Variants in TNKS observed in about 807,000 individuals in gnomAD.
TNKS encodes poly [ADP-ribose] polymerase tankyrase-1.
In TNKS, 72 loss-of-function variants were observed where a neutral mutation model predicts 135.8. That is an observed-to-expected ratio of 0.53 (90% confidence interval 0.44 to 0.64). The LOEUF (loss-of-function observed/expected upper bound fraction) is 0.64, where lower values mean the gene tolerates loss of function less well. TNKS is among the 30% of genes least tolerant of loss of function. The pLI is 0.00. For missense variants in TNKS, 1,769 were observed against 1,674.0 expected, an observed-to-expected ratio of 1.06 and a Z score of -0.99; for synonymous variants, 849 against 649.3, an observed-to-expected ratio of 1.31 and a Z score of -4.68.
chr8:9,691,890 T>C (rs1001264986), intron 5 of TNKS, among the ~76,000 whole-genome samples: 3 of 152,238 alleles, frequency 2.0e-5, no homozygotes, highest in South Asian at 4.1e-4. Flanking sequence ...GAAGATCTTT[T>C]ATCAAAGTCA....
intron 26 of TNKS, among the ~76,000 whole-genome samples, chr8:9,776,118 G>A (rs143894352): frequency 6.6e-6 from 1 of 152,288 alleles, no homozygotes; most frequent in East Asian, 1.9e-4. Flanking sequence ...TATCTCTCCT[G>A]TAAATGATGC....
chr8:9,750,743 C>T (rs911575716), intron 18 of TNKS, among the ~76,000 whole-genome samples: 9 of 152,204 alleles, frequency 5.9e-5, no homozygotes, highest in Non-Finnish European at 1.3e-4. Flanking sequence ...GAGGGTTTAA[C>T]GTGACAATTT....
At chr8:9,579,097 A>G (rs1362651672) in intron 1 of TNKS, among the ~76,000 whole-genome samples, 1 of 152,082 alleles carries the variant, frequency 6.6e-6, no homozygotes, top group Non-Finnish European at 1.5e-5. Context: ...TCATCCTTAG[A>G]CTACTTGAGA....
At chr8:9,620,521 G>C (rs1005344377) in intron 3 of TNKS, among the ~76,000 whole-genome samples, 6 of 152,146 alleles carry the variant, frequency 3.9e-5, no homozygotes, top group Non-Finnish European at 8.8e-5. Context: ...TATTCCCACA[G>C]CCTCTGAATA....
intron 11 of TNKS, 100 bp from the exon 12 acceptor site, chr8:9,720,274 T>A: frequency 8.8e-7 from 1 of 1,133,294 alleles, no homozygotes; most frequent in Non-Finnish European, 1.2e-6. Context: ...TTTAAAAGCT[T>A]TGAAAGTTGA....
chr8:9,706,395 G>GA, intron 7 of TNKS, 142 bp downstream of exon 7: 2 of 646,004 alleles, frequency 3.1e-6, no homozygotes, highest in Non-Finnish European at 5.0e-6. Flanking sequence ...ACAGGGTCTT[G>GA]CCCTGTCACC....
At chr8:9,568,904 G>T (rs12676898) in intron 1 of TNKS, among the ~76,000 whole-genome samples, 1 of 151,942 alleles carries the variant, frequency 6.6e-6, no homozygotes, top group Non-Finnish European at 1.5e-5. Flanking sequence ...TACTTCTGCT[G>T]TGTTAGAATC....
At chr8:9,746,174 A>G (rs1806224678) in intron 17 of TNKS, among the ~76,000 whole-genome samples, 1 of 152,216 alleles carries the variant, frequency 6.6e-6, no homozygotes, top group Admixed American at 6.5e-5. Context: ...AGGGACACAA[A>G]TGTGCCAGTT....
chr8:9,771,875 G>A (rs1161854550), intron 26 of TNKS, among the ~76,000 whole-genome samples: 2 of 3,172 alleles, frequency 6.3e-4, no homozygotes, highest in South Asian at 0.014. Context: ...AGAGCGGAAC[G>A]GAGGGAGAAA....
At chr8:9,696,450 A>C (rs1290268806) in intron 5 of TNKS, among the ~76,000 whole-genome samples, 1 of 152,156 alleles carries the variant, frequency 6.6e-6, no homozygotes, top group Non-Finnish European at 1.5e-5. Flanking sequence ...TAGAGCAGTC[A>C]GGCAAGAAAA....
At chr8:9,733,063 AG>A (rs1296338202) in intron 14 of TNKS, among the ~76,000 whole-genome samples, 2 of 152,228 alleles carry the variant, frequency 1.3e-5, no homozygotes, top group African/African-American at 4.8e-5. Flanking sequence ...CAAGAAACTT[AG>A]GAAAAAATCT....
intron 17 of TNKS, among the ~76,000 whole-genome samples, chr8:9,747,401 G>A (rs947142838): frequency 5.3e-5 from 8 of 151,742 alleles, no homozygotes; most frequent in Non-Finnish European, 1.2e-4. Flanking sequence ...ACTGTCAATG[G>A]TTCAGGGTCT....
At chr8:9,740,064 A>G (rs1805854486) in intron 17 of TNKS, among the ~76,000 whole-genome samples, 1 of 148,284 alleles carries the variant, frequency 6.7e-6, no homozygotes, top group African/African-American at 2.5e-5. Context: ...ATAAAAAAAA[A>G]AAAAAAAAAA....
chr8:9,564,936 G>A (rs1428652893), intron 1 of TNKS, among the ~76,000 whole-genome samples: 1 of 151,722 alleles, frequency 6.6e-6, no homozygotes, highest in Admixed American at 6.6e-5. Context: ...ATATCTTCAA[G>A]AAAAAATGAG....
chr8:9,696,838 G>T (rs1195402312), intron 5 of TNKS, among the ~76,000 whole-genome samples: 8 of 152,132 alleles, frequency 5.3e-5, no homozygotes, highest in Non-Finnish European at 1.2e-4. Flanking sequence ...CATGCTCATG[G>T]ATTGGAAGAA....
intron 3 of TNKS, among the ~76,000 whole-genome samples, chr8:9,644,378 T>C (rs946333896): frequency 6.6e-6 from 1 of 152,212 alleles, no homozygotes; most frequent in Admixed American, 6.5e-5. Flanking sequence ...ATTGGCTCTT[T>C]CCAATTTGAG....
intron 11 of TNKS, among the ~76,000 whole-genome samples, chr8:9,716,270 A>ATGCT: frequency 6.6e-6 from 1 of 152,244 alleles, no homozygotes; most frequent in Admixed American, 6.5e-5. Flanking sequence ...AGTTTTATTA[A>ATGCT]TGCTTTTCTA....
At chr8:9,762,469 T>G (rs1157681534) in intron 21 of TNKS, among the ~76,000 whole-genome samples, 2 of 151,792 alleles carry the variant, frequency 1.3e-5, no homozygotes, top group Admixed American at 1.3e-4. Context: ...TTTTATATTT[T>G]AGATCTGACT....
chr8:9,647,404 G>A lies in TNKS; in HGVS notation c.994+31727G>A, dbSNP rs76248305. Among the ~76,000 whole-genome samples the A allele has an allele frequency of 5.1e-3, 778 of 152,302 alleles. 6 individuals carry two copies. Among genetic ancestry groups the A allele is most frequent in the African/African-American group, 0.018 (740 of 41,554 alleles). On this transcript the variant is annotated intron_variant, in intron 3 of 26. Coordinates refer to ENST00000310430, the MANE Select transcript of TNKS (RefSeq NM_003747.3). ...TACATGACCCAGCAGTAACTAGAGAGTGAAATTGAATAAGATCATTTGGTT... is the reference window on the plus strand; with the variant it reads ...TACATGACCCAGCAGTAACTAGAGAATGAAATTGAATAAGATCATTTGGTT...
Sources: allele counts gnomAD v4.1 joint callset (sites outside exome capture counted in the v4.1 genomes callset), GRCh38; gene constraint gnomAD v4.1.1; transcripts MANE v1.5; gene names NCBI Gene and HGNC (gene_info 2026-07-23, HGNC 2026-07-21).